STK35: variants seen among roughly 807,000 people sequenced by gnomAD.
STK35 encodes serine/threonine-protein kinase 35.
Under a neutral mutation model 37.3 loss-of-function variants are expected in STK35, and 17 were observed. The ratio of observed to expected loss-of-function variants is 0.46; its 90% CI spans 0.31 to 0.68. The LOEUF is 0.68. Ranked by LOEUF, STK35 falls within the 30% of genes least tolerant of loss-of-function variation. The pLI is 0.05. For synonymous variants in STK35, 385 were observed against 319.1 expected, an observed-to-expected ratio of 1.21 and a Z score of -2.20; for missense variants, 595 against 746.7, an observed-to-expected ratio of 0.80 and a Z score of 2.37.
chr20:2,143,010 T>G (rs1321483859), intron 3 of STK35, among the ~76,000 whole-genome samples: 2 of 152,192 alleles, frequency 1.3e-5, no homozygotes, highest in Non-Finnish European at 2.9e-5. Flanking sequence ...ACTAATAGGA[T>G]CAGGCACTCT....
chr20:2,123,849 G>A (rs1280743737), intron 3 of STK35, among the ~76,000 whole-genome samples: 1 of 152,104 alleles, frequency 6.6e-6, no homozygotes, highest in Non-Finnish European at 1.5e-5. Context: ...GCCCTCCCTT[G>A]CCTGTACCTG....
At chr20:2,131,506 A>G (rs1015372421) in intron 3 of STK35, among the ~76,000 whole-genome samples, 1 of 151,986 alleles carries the variant, frequency 6.6e-6, no homozygotes, top group African/African-American at 2.4e-5. Flanking sequence ...GTATACCTAT[A>G]TAGGGCACTT....
chr20:2,102,861 C>A lies in STK35; in HGVS notation c.388C>A (p.Pro130Thr). 5.1e-6 allele frequency: 8 copies of A among 1,556,026 alleles called. No homozygotes were observed. Among genetic ancestry groups the A allele is most frequent in the Non-Finnish European group, 6.9e-6 (8 of 1,159,320 alleles). Residue 130 changes from proline to threonine, a missense_variant, in exon 2 of 4, where the codon CCG becomes ACG. Physicochemically the swap from Pro to Thr is conservative, Grantham distance 38. Transcript: ENST00000381482. ...ARAAPLLLPPPPAAMETGKDG... is the reference protein window; with the variant it reads ...ARAAPLLLPPTPAAMETGKDG... ...GGCAGCGCCGTTGCTGCTCCCCCCG[C>A]CGCCCGCAGCCATGGAAACGGGGAA...
chr20:2,127,538 A>AC (rs887426534), intron 3 of STK35, among the ~76,000 whole-genome samples: 1 of 152,198 alleles, frequency 6.6e-6, no homozygotes, highest in African/African-American at 2.4e-5. Flanking sequence ...AAGTGATTAT[A>AC]CCACACCCCA....
intron 3 of STK35, among the ~76,000 whole-genome samples, chr20:2,132,260 G>C (rs1004720378): frequency 6.6e-6 from 1 of 152,224 alleles, no homozygotes; most frequent in Non-Finnish European, 1.5e-5. Flanking sequence ...AAAGGGAGCT[G>C]GCTTTTGCCA....
intron 3 of STK35, among the ~76,000 whole-genome samples, chr20:2,132,589 G>C (rs1299059521): frequency 1.3e-5 from 2 of 152,246 alleles, no homozygotes; most frequent in Admixed American, 1.3e-4. Context: ...GGGGAGAACT[G>C]TCAGTCCCCC....
rs1383766229 is a variant in STK35, at chr20:2,117,606, G to A, written c.*37+191G>A. On this transcript the variant is annotated intron_variant, in intron 3 of 3. Coordinates refer to ENST00000381482, the MANE Select transcript of STK35 (RefSeq NM_080836.4). The surrounding 1 kb of genome is among the most constrained non-coding windows in gnomAD (Gnocchi z 4.4). ...ATTACAGGCACCTGCCATCATGCCC[G>A]GCTAATTTTTGTATTTTTAGTAGAG... Among the ~76,000 whole-genome samples the A allele has an allele frequency of 3.9e-5, 6 of 152,056 alleles. No homozygotes were observed. The highest frequency in any genetic ancestry group is 1.2e-4 in the African/African-American group (5 of 41,390).
In STK35 at chr20:2,145,739, T is replaced by G. The variant is rs889373588; in HGVS notation, c.*1993T>G. ...GGTGGGAACAGCAGCATCCCCTAAT[T>G]GCAGTACACGGTTCCTTTTCCGCCC... On this transcript the variant is annotated 3_prime_UTR_variant, in exon 4 of 4. Coordinates refer to ENST00000381482, the MANE Select transcript of STK35 (RefSeq NM_080836.4). 6.6e-6 allele frequency: 1 copy of G among 152,124 alleles called. No homozygotes were observed. The highest frequency in any genetic ancestry group is 1.5e-5 in the Non-Finnish European group (1 of 68,054). The allele number at this position is 152,124 out of a possible 1,614,324, so 9.4% of individuals were successfully genotyped here.
At chr20:2,141,767 CT>C (rs141740477) in intron 3 of STK35, among the ~76,000 whole-genome samples, 8,263 of 152,174 alleles carry the variant, frequency 0.054, 355 homozygotes, top group African/African-American at 0.11. Flanking sequence ...GTAACCTACC[CT>C]TTTCCACCTA....
At chr20:2,103,663 T>C (rs1985454905) in intron 2 of STK35, among the ~76,000 whole-genome samples, 2 of 152,208 alleles carry the variant, frequency 1.3e-5, no homozygotes. Flanking sequence ...CGTCTTCTAT[T>C]TTTAAGATCG....
Position 2,107,027 on chromosome 20 carries a change from CTA to C in STK35, c.892+3664_892+3665del, listed in dbSNP as rs573829083. Among the ~76,000 whole-genome samples the C allele has an allele frequency of 1.8e-4, 28 of 152,304 alleles. 1 individual carries two copies. In the South Asian group the frequency reaches 5.8e-3, roughly 32 times the overall value. The stretch of plus-strand genomic sequence containing the variant: ...AATTATTTGGTTGAAGGGTTGGTGC[CTA>C]TGTTTTTAACTTTGAAATACTTCTC... On this transcript the variant is annotated intron_variant, in intron 2 of 3. Coordinates refer to ENST00000381482, the MANE Select transcript of STK35 (RefSeq NM_080836.4).
chr20:2,111,768 T>G (rs1539192), intron 2 of STK35, among the ~76,000 whole-genome samples: 1,617 of 152,322 alleles, frequency 0.011, 23 homozygotes, highest in African/African-American at 0.034. Flanking sequence ...TAAATCCACC[T>G]TAGAAGATAT....
In STK35 at chr20:2,143,979, C is replaced by CTTTTTTTTTTT; in HGVS notation, c.*240_*241insTTTTTTTTTTT. The stretch of plus-strand genomic sequence containing the variant: ...TTTTCTTTTTTTTTTTTCCTCTTTC[C>CTTTTTTTTTTT]TTTTTTTAAATTTAAACCATTGAGA... On this transcript the variant is annotated 3_prime_UTR_variant, in exon 4 of 4. Coordinates refer to ENST00000381482, the MANE Select transcript of STK35 (RefSeq NM_080836.4). 2.8e-6 allele frequency: 1 copy of CTTTTTTTTTTT among 361,056 alleles called. No homozygotes were observed. Among genetic ancestry groups the CTTTTTTTTTTT allele is most frequent in the Non-Finnish European group, 5.1e-6 (1 of 194,770 alleles). The allele number at this position is 361,056 out of a possible 1,614,324, so 22.4% of individuals were successfully genotyped here.
At chr20:2,105,706 CT>C (rs1985501724) in intron 2 of STK35, among the ~76,000 whole-genome samples, 1 of 115,638 alleles carries the variant, frequency 8.6e-6, no homozygotes, top group African/African-American at 3.0e-5. Flanking sequence ...AATTCACTGC[CT>C]TATATAAGTT....
At chr20:2,124,018 TCACAGAG>T (rs985156634) in intron 3 of STK35, among the ~76,000 whole-genome samples, 8 of 152,330 alleles carry the variant, frequency 5.3e-5, no homozygotes, top group African/African-American at 1.7e-4. Context: ...TTCCTGAAGG[TCACAGAG>T]CTAAGAAGAG....
intron 3 of STK35, among the ~76,000 whole-genome samples, chr20:2,118,443 G>A (rs574633666): frequency 8.5e-5 from 13 of 152,268 alleles, no homozygotes; most frequent in East Asian, 7.7e-4. Flanking sequence ...TCAGCCAGGC[G>A]TGGTGGCGGG....
intron 3 of STK35, among the ~76,000 whole-genome samples, chr20:2,119,994 TAGG>T (rs1985788876): frequency 1.3e-5 from 2 of 152,158 alleles, no homozygotes; most frequent in South Asian, 4.1e-4. Flanking sequence ...CACCCGTGGG[TAGG>T]AGAACAGCAG....
At chr20:2,135,218 T>C (rs1321089190) in intron 3 of STK35, among the ~76,000 whole-genome samples, 1 of 152,224 alleles carries the variant, frequency 6.6e-6, no homozygotes, top group African/African-American at 2.4e-5. Context: ...TTTTATAGCC[T>C]GGGCGACAGT....
chr20:2,110,627 A>G (rs1377077952), intron 2 of STK35, among the ~76,000 whole-genome samples: 2 of 152,142 alleles, frequency 1.3e-5, no homozygotes, highest in Non-Finnish European at 2.9e-5. Context: ...GAATTCCTCA[A>G]GTGGGATTTT....
Sources: gnomAD v4.1 joint callset for allele counts (sites outside exome capture counted in the v4.1 genomes callset) on GRCh38, gnomAD v4.1.1 for gene constraint, Gnocchi (gnomAD v3.1) non-coding constraint, MANE v1.5 for transcripts, NCBI Gene and HGNC (gene_info 2026-07-23, HGNC 2026-07-21) for gene names.